The following UBE2E2 variants were observed in gnomAD, a reference collection of about 807,000 sequenced individuals.
The protein encoded by UBE2E2 is ubiquitin conjugating enzyme E2 E2.
Under a neutral mutation model 24.7 loss-of-function variants are expected in UBE2E2, and 6 were observed. The ratio of observed to expected loss-of-function variants is 0.24; its 90% CI spans 0.13 to 0.48. UBE2E2 has a LOEUF of 0.48. Among genes scored for constraint, UBE2E2 ranks in the 20% least tolerant of loss-of-function variants. UBE2E2 has a pLI of 0.99. For missense variants in UBE2E2, 169 were observed against 245.0 expected, an observed-to-expected ratio of 0.69 and a Z score of 2.07; for synonymous variants, 104 against 83.6, an observed-to-expected ratio of 1.24 and a Z score of -1.33.
rs550076914 is a variant in UBE2E2, at chr3:23,245,096, A to G, written c.227+27784A>G. 5.3e-5 allele frequency among the ~76,000 whole-genome samples: 8 copies of G among 152,144 alleles called. 1 individual carries two copies. The South Asian group carries it at 1.7e-3, about 31-fold the overall frequency. ...GGCTTATTACGGTCTAGTAAATGTC[A>G]TTAACCAATATTTTAGGTACTGTGG... On this transcript the variant is annotated intron_variant, in intron 3 of 5. Coordinates refer to ENST00000396703, the MANE Select transcript of UBE2E2 (RefSeq NM_152653.4).
rs539698932 is a variant in UBE2E2, at chr3:23,266,501, C to T, written c.227+49189C>T. 8.6e-3 allele frequency among the ~76,000 whole-genome samples: 1,312 copies of T among 151,874 alleles called. 13 individuals are homozygous for T. The highest frequency in any genetic ancestry group is 0.03 in the African/African-American group (1,243 of 41,388). Reference sequence around the variant, plus strand: ...CTCTTCTGGCTTGTAGAGTTTCTGCCGAGAGATCAGCTGTTAGTCTGATGG... The same window carrying T: ...CTCTTCTGGCTTGTAGAGTTTCTGCTGAGAGATCAGCTGTTAGTCTGATGG... On this transcript the variant is annotated intron_variant, in intron 3 of 5. Transcript: ENST00000396703.
intron 3 of UBE2E2, among the ~76,000 whole-genome samples, chr3:23,290,748 T>A (rs918349108): frequency 4.0e-5 from 6 of 151,774 alleles, no homozygotes; most frequent in Non-Finnish European, 7.4e-5. Context: ...TATTATTATT[T>A]TTTGGATTTA....
chr3:23,466,648 A>C (rs1244477825), intron 3 of UBE2E2, among the ~76,000 whole-genome samples: 1 of 151,920 alleles, frequency 6.6e-6, no homozygotes, highest in Non-Finnish European at 1.5e-5. Flanking sequence ...GTTCACTGCA[A>C]CCTCCGCCTC....
intron 3 of UBE2E2, among the ~76,000 whole-genome samples, chr3:23,396,353 A>T (rs1252371097): frequency 1.4e-5 from 2 of 144,766 alleles, no homozygotes; most frequent in Non-Finnish European, 3.0e-5. Context: ...ATAGCATTTT[A>T]TTTTATCTAT....
intron 3 of UBE2E2, among the ~76,000 whole-genome samples, chr3:23,337,571 C>G (rs1439481070): frequency 6.6e-6 from 1 of 152,076 alleles, no homozygotes; most frequent in Admixed American, 6.5e-5. Flanking sequence ...ACTGGGAGTT[C>G]AGGGACAACT....
At chr3:23,559,661 T>A (rs1695876172) in intron 5 of UBE2E2, among the ~76,000 whole-genome samples, 1 of 152,148 alleles carries the variant, frequency 6.6e-6, no homozygotes, top group Admixed American at 6.6e-5. Context: ...TGAGTTAAGG[T>A]CACCATCATC....
At chr3:23,586,975 T>G (rs1696641421) in intron 5 of UBE2E2, among the ~76,000 whole-genome samples, 1 of 152,186 alleles carries the variant, frequency 6.6e-6, no homozygotes, top group Non-Finnish European at 1.5e-5. Flanking sequence ...TAACAGCAGT[T>G]TTCTTTGCGT....
chr3:23,443,913 C>G (rs537512350), intron 3 of UBE2E2, among the ~76,000 whole-genome samples: 2 of 152,220 alleles, frequency 1.3e-5, no homozygotes, highest in African/African-American at 4.8e-5. Flanking sequence ...TAACTGAATC[C>G]CCTTCAAGGT....
chr3:23,589,453 G>C lies in UBE2E2; in HGVS notation c.509-281G>C, dbSNP rs561460201. 6.6e-5 allele frequency among the ~76,000 whole-genome samples: 10 copies of C among 151,966 alleles called. No homozygotes were observed. The highest frequency in any genetic ancestry group is 3.9e-4 in the Admixed American group (6 of 15,268). On this transcript the variant is annotated intron_variant, in intron 5 of 5. Coordinates refer to ENST00000396703, the MANE Select transcript of UBE2E2 (RefSeq NM_152653.4). This position sits in a 1 kb window ranked among gnomAD's most constrained non-coding sequence, Gnocchi z 4.1. The stretch of plus-strand genomic sequence containing the variant: ...AAAAAAAAAAAAACCAATACGAGGG[G>C]AGCAAGGTGAGAAGTATGTGGTGGG...
At chr3:23,533,242 G>A (rs1336844196) in intron 5 of UBE2E2, among the ~76,000 whole-genome samples, 1 of 152,122 alleles carries the variant, frequency 6.6e-6, no homozygotes, top group Non-Finnish European at 1.5e-5. Flanking sequence ...AAAGTCTATA[G>A]CCAGGCCTTT....
At chr3:23,362,325 G>A (rs192148612) in intron 3 of UBE2E2, among the ~76,000 whole-genome samples, 8 of 152,270 alleles carry the variant, frequency 5.3e-5, no homozygotes, top group African/African-American at 1.7e-4. Flanking sequence ...ATCCCCCTGC[G>A]CTTATAGGCT....
At chr3:23,380,293 C>T (rs1025083266) in intron 3 of UBE2E2, among the ~76,000 whole-genome samples, 2 of 152,158 alleles carry the variant, frequency 1.3e-5, no homozygotes, top group African/African-American at 4.8e-5. Context: ...AGTCCTAGCT[C>T]ACTGCAGCCT....
At chr3:23,509,666 G>A (rs773361261) in intron 4 of UBE2E2, among the ~76,000 whole-genome samples, 13 of 151,750 alleles carry the variant, frequency 8.6e-5, no homozygotes, top group Non-Finnish European at 1.8e-4. Flanking sequence ...CCATGTTGGC[G>A]TGCTGCACCC....
chr3:23,298,070 A>C (rs1698961170), intron 3 of UBE2E2, among the ~76,000 whole-genome samples: 1 of 151,984 alleles, frequency 6.6e-6, no homozygotes, highest in African/African-American at 2.4e-5. Flanking sequence ...GAGTTCACTT[A>C]TGATTTGGCT....
rs561011741 is a variant in UBE2E2, at chr3:23,503,314, C to T, written c.360+3574C>T. Among the ~76,000 whole-genome samples, 60 of 151,866 alleles carry T rather than the reference C, an allele frequency of 4.0e-4. 1 individual carries two copies. Among genetic ancestry groups the T allele is most frequent in the South Asian group, 3.3e-3 (16 of 4,800 alleles). On this transcript the variant is annotated intron_variant, in intron 4 of 5. Transcript: ENST00000396703. Reference sequence around the variant, plus strand: ...AAGCAGTTTTCCTGCCTCAGCCTCCCGAGTAGCTGGGATTACAGGCACCTG... The same window carrying T: ...AAGCAGTTTTCCTGCCTCAGCCTCCTGAGTAGCTGGGATTACAGGCACCTG...
intron 3 of UBE2E2, among the ~76,000 whole-genome samples, chr3:23,463,175 T>TC (rs1286979593): frequency 1.3e-5 from 2 of 151,880 alleles, no homozygotes; most frequent in African/African-American, 4.8e-5. Flanking sequence ...TATCTCTTTT[T>TC]CCCCCTTAAA....
At chr3:23,484,097 A>G (rs1699312343) in intron 3 of UBE2E2, among the ~76,000 whole-genome samples, 1 of 152,198 alleles carries the variant, frequency 6.6e-6, no homozygotes, top group Admixed American at 6.5e-5. Context: ...TACACTATCT[A>G]ACCTCAGCCA....
intron 3 of UBE2E2, among the ~76,000 whole-genome samples, chr3:23,331,511 G>T (rs559086564): frequency 3.5e-5 from 5 of 144,584 alleles, no homozygotes; most frequent in Middle Eastern, 7.0e-3. Flanking sequence ...GGGCAGGGAG[G>T]GGGGTAAGGT....
At chr3:23,554,754 C>A (rs768211594) in intron 5 of UBE2E2, among the ~76,000 whole-genome samples, 1 of 151,970 alleles carries the variant, frequency 6.6e-6, no homozygotes, top group Non-Finnish European at 1.5e-5. Flanking sequence ...AACTTCTCCA[C>A]AGCAAAAGAA....
Sources: allele counts gnomAD v4.1 joint callset (sites outside exome capture counted in the v4.1 genomes callset), GRCh38; gene constraint gnomAD v4.1.1; non-coding constraint Gnocchi (gnomAD v3.1); transcripts MANE v1.5; gene names NCBI Gene and HGNC (gene_info 2026-07-23, HGNC 2026-07-21).